CLEC2D: variants seen among roughly 807,000 people sequenced by gnomAD.
CLEC2D encodes the protein C-type lectin domain family 2 member D.
In CLEC2D, 16 loss-of-function variants were observed where a neutral mutation model predicts 20.0. That is an observed-to-expected ratio of 0.80 (90% CI 0.54 to 1.22). The LOEUF is 1.22. CLEC2D is among the 50% of genes most tolerant of loss of function. The pLI, the probability that CLEC2D is intolerant of heterozygous loss-of-function variation, is 0.00. For synonymous variants in CLEC2D, 77 were observed against 71.1 expected, an observed-to-expected ratio of 1.08 and a Z score of -0.42; for missense variants, 207 against 221.5, an observed-to-expected ratio of 0.93 and a Z score of 0.42.
At chr12:9,683,118 T>C (rs1004618498) in intron 2 of CLEC2D, among the ~76,000 whole-genome samples, 2 of 152,208 alleles carry the variant, frequency 1.3e-5, no homozygotes, top group East Asian at 1.9e-4. Flanking sequence ...CTTTTTATCA[T>C]ATATTTGTTG....
rs11052505 is a variant in CLEC2D, at chr12:9,698,389, C to T, written c.*3515C>T. On this transcript the variant is annotated 3_prime_UTR_variant, in exon 5 of 5. Transcript: ENST00000290855. ...GGGGAACATCTCTCTATTCCCCAGCCCCAGTCCCTAAATGTTGAATACACA... is the reference window on the plus strand; with the variant it reads ...GGGGAACATCTCTCTATTCCCCAGCTCCAGTCCCTAAATGTTGAATACACA... 2.4e-4 allele frequency: 36 copies of T among 152,178 alleles called. No individual in the cohort carries two copies. In the East Asian group the frequency reaches 6.0e-3, roughly 25 times the overall value. 9.4% of individuals were successfully genotyped at this position (152,178 alleles called of 1,614,324 possible). A position where few individuals can be genotyped will look rare whatever the true frequency, so the allele number is the denominator to read the frequency against.
At position 9,680,401 on chromosome 12, in the gene CLEC2D, T is replaced by C. The variant is rs950201955; in HGVS notation, c.62-522T>C. 3 of 165,708 alleles carry C rather than the reference T, an allele frequency of 1.8e-5. No homozygotes were observed. The South Asian group carries it at 4.4e-4, about 24-fold the overall frequency. 10.3% of individuals were successfully genotyped at this position (165,708 alleles called of 1,614,324 possible). On this transcript the variant is annotated intron_variant, in intron 1 of 4. Coordinates refer to ENST00000290855, the MANE Select transcript of CLEC2D (RefSeq NM_013269.6). ...CATTGTCTAAGAAAGATCCTTGTTA[T>C]GTGGCTCAGAGGCCCTCCATGTATT...
At chr12:9,676,872 T>A (rs1371950036) in intron 1 of CLEC2D, among the ~76,000 whole-genome samples, 1 of 152,190 alleles carries the variant, frequency 6.6e-6, no homozygotes, top group Non-Finnish European at 1.5e-5. Context: ...TTTCTCCATG[T>A]ATGAGTTTAG....
chr12:9,670,270 A>G (rs1865386557), intron 1 of CLEC2D, among the ~76,000 whole-genome samples: 1 of 150,838 alleles, frequency 6.6e-6, no homozygotes, highest in African/African-American at 2.5e-5. Context: ...GTTACATTGG[A>G]TGCACTGGAA....
chr12:9,695,757 A>G lies in CLEC2D; in HGVS notation c.*883A>G, dbSNP rs2120992977. 7.3e-7 allele frequency: 1 copy of G among 1,375,168 alleles called. No individual in the cohort carries two copies. Among genetic ancestry groups the G allele is most frequent in the Non-Finnish European group, 1.0e-6 (1 of 974,410 alleles). The allele number at this position is 1,375,168 out of a possible 1,614,324, so 85.2% of individuals were successfully genotyped here. ...TAGCTGTGAAGGAAGGTGCAGAGTC[A>G]GAAGATGAAGAAGAGGAGGATGTGA... On this transcript the variant is annotated 3_prime_UTR_variant, in exon 5 of 5. Coordinates refer to ENST00000290855, the MANE Select transcript of CLEC2D (RefSeq NM_013269.6).
chr12:9,686,955 A>G (rs1015010405), intron 2 of CLEC2D, among the ~76,000 whole-genome samples: 3 of 152,172 alleles, frequency 2.0e-5, no homozygotes, highest in Non-Finnish European at 4.4e-5. Flanking sequence ...TTATTCACAT[A>G]AGGCATCTCT....
At chr12:9,673,606 C>G (rs1383647498) in intron 1 of CLEC2D, among the ~76,000 whole-genome samples, 10 of 152,208 alleles carry the variant, frequency 6.6e-5, no homozygotes, top group Non-Finnish European at 1.3e-4. Flanking sequence ...TGGGGGAATC[C>G]CACTCATCGG....
intron 3 of CLEC2D, among the ~76,000 whole-genome samples, chr12:9,689,071 G>A (rs4508286): frequency 0.96 from 146,778 of 152,298 alleles, 70,829 homozygotes; most frequent in East Asian, 1. Context: ...TTGTCCAAAT[G>A]TCAGGGTTAT....
Position 9,692,887 on chromosome 12 carries a change from A to C in CLEC2D, c.417A>C (p.Gln139His). Residue 139 changes from glutamine to histidine, a missense_variant, in exon 4 of 5, where the codon CAA becomes CAC. By Grantham distance (24) the Gln-to-His change is conservative. Coordinates refer to ENST00000290855, the MANE Select transcript of CLEC2D (RefSeq NM_013269.6). ...SDHWIGLSRE[Q>H]GQPWKWINGT... ...ACTGGATTGGGCTGAGCAGAGAACA[A>C]GGCCAACCATGGAAATGGATAAATG... 4 of 1,613,802 alleles carry C rather than the reference A, an allele frequency of 2.5e-6. No homozygotes were observed. The highest frequency in any genetic ancestry group is 3.4e-6 in the Non-Finnish European group (4 of 1,179,808).
At position 9,695,202 on chromosome 12, in the gene CLEC2D, A is replaced by C. The variant is rs1055277704; in HGVS notation, c.*328A>C. On this transcript the variant is annotated 3_prime_UTR_variant, in exon 5 of 5. Transcript: ENST00000290855. ...CAAATGGGAAGCAAAGTCATGTCTT[A>C]TGTGGTGGCAGGCAGGGGGACTTGT... is the stretch of plus-strand genomic sequence containing the variant. 3.3e-6 allele frequency: 2 copies of C among 602,020 alleles called. No individual in the cohort carries two copies. Among genetic ancestry groups the C allele is most frequent in the Admixed American group, 2.8e-5 (1 of 36,262 alleles). 37.3% of individuals were successfully genotyped at this position (602,020 alleles called of 1,614,324 possible).
At chr12:9,690,156 A>G (rs1352203715) in intron 3 of CLEC2D, among the ~76,000 whole-genome samples, 5 of 152,150 alleles carry the variant, frequency 3.3e-5, no homozygotes, top group Non-Finnish European at 7.4e-5. Flanking sequence ...TAAAATTAAT[A>G]GCTGATTTTC....
intron 3 of CLEC2D, among the ~76,000 whole-genome samples, chr12:9,689,945 C>T (rs901412055): frequency 6.6e-6 from 1 of 151,960 alleles, no homozygotes; most frequent in Non-Finnish European, 1.5e-5. Context: ...GAGAAATACA[C>T]TTAAAGAAAT....
At chr12:9,675,301 T>C (rs1865501291) in intron 1 of CLEC2D, among the ~76,000 whole-genome samples, 1 of 151,648 alleles carries the variant, frequency 6.6e-6, no homozygotes, top group African/African-American at 2.4e-5. Context: ...TCACCCACCA[T>C]TCTCCTGCCT....
rs369654621 is a variant in CLEC2D at position 9,686,580 on chromosome 12, G to C, written c.173-1322G>C. Among the ~76,000 whole-genome samples the C allele has an allele frequency of 1.4e-4, 21 of 152,224 alleles. No homozygotes were observed. In the East Asian group the frequency reaches 3.9e-3, roughly 28 times the overall value. ...CACAAGAGCCAAATCCAAGGATAAT[G>C]GTGCCAATTGATAGTAATGATTCTA... is the stretch of plus-strand genomic sequence containing the variant. On this transcript the variant is annotated intron_variant, in intron 2 of 4. Coordinates refer to ENST00000290855, the MANE Select transcript of CLEC2D (RefSeq NM_013269.6).
At chr12:9,685,918 G>T (rs905609825) in intron 2 of CLEC2D, among the ~76,000 whole-genome samples, 3 of 152,284 alleles carry the variant, frequency 2.0e-5, no homozygotes, top group Middle Eastern at 3.4e-3. Flanking sequence ...AACTCCTGCA[G>T]TTATCTTGGT....
At chr12:9,673,935 C>G (rs942716628) in intron 1 of CLEC2D, 1 of 152,908 alleles carries the variant, frequency 6.5e-6, no homozygotes, top group African/African-American at 2.4e-5. Flanking sequence ...ACCCCTCCCC[C>G]CAGGAACTTA....
intron 2 of CLEC2D, among the ~76,000 whole-genome samples, chr12:9,681,816 C>A (rs1865641041): frequency 6.6e-6 from 1 of 152,106 alleles, no homozygotes; most frequent in Non-Finnish European, 1.5e-5. Context: ...TATTCATTTG[C>A]AAATCTTTTG....
intron 1 of CLEC2D, among the ~76,000 whole-genome samples, chr12:9,674,800 G>C (rs1212336266): frequency 6.6e-6 from 1 of 152,160 alleles, no homozygotes; most frequent in Non-Finnish European, 1.5e-5. Flanking sequence ...CAGGTTGAAA[G>C]TTTTTAGTTT....
intron 3 of CLEC2D, among the ~76,000 whole-genome samples, chr12:9,688,959 A>G (rs1865810774): frequency 6.6e-6 from 1 of 152,212 alleles, no homozygotes; most frequent in Non-Finnish European, 1.5e-5. Context: ...TCCACTCAAT[A>G]ATAACTATTT....
Sources: gnomAD v4.1 joint callset for allele counts (sites outside exome capture counted in the v4.1 genomes callset) on GRCh38, gnomAD v4.1.1 for gene constraint, MANE v1.5 for transcripts, NCBI Gene and HGNC (gene_info 2026-07-23, HGNC 2026-07-21) for gene names.